TENM1: variants seen among roughly 807,000 people sequenced by gnomAD.
The protein encoded by TENM1 is teneurin-1.
A neutral mutation model predicts 174.8 loss-of-function variants in TENM1; 35 were observed. The ratio of observed to expected loss-of-function variants is 0.20; its 90% CI spans 0.15 to 0.27. TENM1 has a LOEUF of 0.27. Ranked by LOEUF, TENM1 falls within the 10% of genes least tolerant of loss-of-function variation. The pLI is 1.00. For missense variants in TENM1, 1,633 were observed against 2,130.1 expected (o/e 0.77, Z 4.59); for synonymous variants, 781 against 798.7 (o/e 0.98, Z 0.37).
At position 124,651,810 on chromosome X, in the gene TENM1, C is replaced by T. The variant is rs16999347; in HGVS notation, c.1579+104G>A. 2.6e-3 allele frequency: 2,837 copies of T among 1,081,781 alleles called. 29 individuals carry two copies. In the African/African-American group the frequency reaches 0.038, roughly 14 times the overall value. 89.2% of individuals were successfully genotyped at this position (1,081,781 alleles called of 1,213,427 possible). On this transcript the variant is annotated intron_variant, in intron 8 of 31. Transcript: ENST00000422452. ...CCTTTCCTCAATAATGACTTCAACT[C>T]AAAGTGAGCAATAAGCTTAAATAAC...
intron 3 of TENM1, among the ~76,000 whole-genome samples, chrX:124,860,534 A>T (rs2147436199): frequency 9.0e-6 from 1 of 111,212 alleles, no homozygotes; most frequent in East Asian, 2.8e-4. Context: ...TTTAGATTAA[A>T]CCTCGCTAAG....
At chrX:124,969,975 G>C in the TENM1 span, among the ~76,000 whole-genome samples, 2 of 111,812 alleles carry the variant, frequency 1.8e-5, no homozygotes, top group Non-Finnish European at 3.8e-5. Context: ...GTTTACATTA[G>C]TTATCATTCC....
At chrX:124,472,330 T>TAAAA (rs34695864) in intron 22 of TENM1, among the ~76,000 whole-genome samples, 1 of 18,689 alleles carries the variant, frequency 5.4e-5, no homozygotes, top group Non-Finnish European at 8.8e-5. Flanking sequence ...ATGCTTGACG[T>TAAAA]AAAAAAAAAA....
chrX:124,780,235 C>T (rs1260341034), intron 3 of TENM1, among the ~76,000 whole-genome samples: 1 of 112,199 alleles, frequency 8.9e-6, no homozygotes, highest in Non-Finnish European at 1.9e-5. Flanking sequence ...TGAAATATCT[C>T]CGGTTAAAAT....
chrX:124,385,635 T>G, intron 29 of TENM1, 42 bp downstream of exon 32: 2 of 1,136,488 alleles, frequency 1.8e-6, no homozygotes, highest in Non-Finnish European at 2.3e-6. Flanking sequence ...CATAAGAAAA[T>G]AGTGATGTTG....
At chrX:124,754,872 T>A (rs1231828247) in intron 3 of TENM1, among the ~76,000 whole-genome samples, 1 of 106,661 alleles carries the variant, frequency 9.4e-6, no homozygotes, top group East Asian at 2.9e-4. Context: ...ATAGTTTCTG[T>A]TCTTTTACAT....
At chrX:124,880,611 A>C (rs1317728670) in intron 3 of TENM1, among the ~76,000 whole-genome samples, 1 of 112,130 alleles carries the variant, frequency 8.9e-6, no homozygotes, top group Non-Finnish European at 1.9e-5. Context: ...CAGTTCTTAA[A>C]GAAAAGGCTT....
At chrX:124,519,414 T>C (rs888461048) in intron 18 of TENM1, among the ~76,000 whole-genome samples, 2 of 111,161 alleles carry the variant, frequency 1.8e-5, no homozygotes, top group Non-Finnish European at 3.8e-5. Flanking sequence ...TCTCTCTCTC[T>C]TTCTCTTTCC....
intron 3 of TENM1, among the ~76,000 whole-genome samples, chrX:124,819,071 A>T (rs1218519851): frequency 8.9e-6 from 1 of 111,980 alleles, no homozygotes; most frequent in African/African-American, 3.2e-5. Flanking sequence ...CTGGGGAGAA[A>T]ATATAAATTT....
At chrX:125,197,528 C>T in the TENM1 span, among the ~76,000 whole-genome samples, 1 of 111,316 alleles carries the variant, frequency 9.0e-6, no homozygotes, top group Non-Finnish European at 1.9e-5. Flanking sequence ...ATCGACATGA[C>T]AAAGAAGATA....
At chrX:124,523,415 T>C (rs374724054) in exon 17 of TENM1, 2 of 1,211,618 alleles carry the variant, frequency 1.7e-6, no homozygotes, top group East Asian at 3.0e-5. Flanking sequence ...CTCCAAATGA[T>C]GTGAGCGGTG....
chrX:124,384,493 C>A (rs1046960910), exon 30 of TENM1: 3 of 1,209,915 alleles, frequency 2.5e-6, no homozygotes, highest in Non-Finnish European at 3.4e-6. Flanking sequence ...CTACTCCTAC[C>A]CTTATGTCAC....
chrX:124,506,267 T>A (rs139167364), intron 18 of TENM1, among the ~76,000 whole-genome samples: 1 of 111,276 alleles, frequency 9.0e-6, no homozygotes, highest in Non-Finnish European at 1.9e-5. Context: ...TGGAGCCTGC[T>A]TTTTCTCTCT....
chrX:124,802,289 G>A (rs2055475703), intron 3 of TENM1, among the ~76,000 whole-genome samples: 2 of 111,610 alleles, frequency 1.8e-5, no homozygotes, highest in South Asian at 7.6e-4. Flanking sequence ...CTTCTATAGG[G>A]TTTTTGTGGG....
chrX:125,067,649 T>C, the TENM1 span, among the ~76,000 whole-genome samples: 1 of 112,032 alleles, frequency 8.9e-6, no homozygotes, highest in South Asian at 3.7e-4. Flanking sequence ...GGCAAACTTC[T>C]ATCACGTCTG....
the TENM1 span, among the ~76,000 whole-genome samples, chrX:125,092,549 G>T: frequency 1.8e-5 from 2 of 111,683 alleles, no homozygotes; most frequent in Non-Finnish European, 3.8e-5. Context: ...CAGTAGATGT[G>T]ATATCAAAAA....
the TENM1 span, among the ~76,000 whole-genome samples, chrX:125,116,069 A>G: frequency 9.0e-6 from 1 of 111,677 alleles, no homozygotes; most frequent in Non-Finnish European, 1.9e-5. Flanking sequence ...GGAATAGAAC[A>G]TAGGCCTCAG....
chrX:124,788,282 C>T (rs1002791059), intron 3 of TENM1, among the ~76,000 whole-genome samples: 1 of 111,191 alleles, frequency 9.0e-6, no homozygotes, highest in African/African-American at 3.3e-5. Context: ...TCCTATAACA[C>T]ACGGAAATTA....
At chrX:125,014,672 T>A in the TENM1 span, among the ~76,000 whole-genome samples, 1 of 111,803 alleles carries the variant, frequency 8.9e-6, no homozygotes, top group African/African-American at 3.2e-5. Context: ...GACTTCTCAT[T>A]GATTTGTTTT....
Sources: gnomAD v4.1 joint callset for allele counts (sites outside exome capture counted in the v4.1 genomes callset) on GRCh38, gnomAD v4.1.1 for gene constraint, MANE v1.5 for transcripts, NCBI Gene and HGNC (gene_info 2026-07-23, HGNC 2026-07-21) for gene names.